Variants in MYO7B observed in about 807,000 individuals in gnomAD.
MYO7B encodes the protein myosin VIIB, also known as unconventional myosin-VIIb.
A neutral mutation model predicts 259.7 loss-of-function variants in MYO7B; 212 were observed. That is an observed-to-expected ratio of 0.82 (90% CI 0.73 to 0.91). MYO7B has a LOEUF of 0.91. Ranked by LOEUF, MYO7B falls within the 40% of genes least tolerant of loss-of-function variation. The pLI, the probability that MYO7B is intolerant of heterozygous loss-of-function variation, is 0.00. For missense variants in MYO7B, 2,732 were observed against 2,813.5 expected (o/e 0.97, Z 0.66); for synonymous variants, 1,197 against 1,166.4 (o/e 1.03, Z -0.54).
chr2:127,566,093 A>T (rs1158324263), intron 4 of MYO7B, among the ~76,000 whole-genome samples: 1 of 152,228 alleles, frequency 6.6e-6, no homozygotes, highest in Non-Finnish European at 1.5e-5. Context: ...CTGAAGCCAG[A>T]GGGCACGTCC....
intron 14 of MYO7B, among the ~76,000 whole-genome samples, chr2:127,587,144 C>A (rs147714382): frequency 6.6e-6 from 1 of 152,140 alleles, no homozygotes; most frequent in African/African-American, 2.4e-5. Context: ...AAGTCAGGGT[C>A]GTGCCCTTGG....
At chr2:127,568,536 G>A (rs1308353351) in intron 5 of MYO7B, among the ~76,000 whole-genome samples, 2 of 152,198 alleles carry the variant, frequency 1.3e-5, no homozygotes, top group Non-Finnish European at 2.9e-5. Flanking sequence ...ATCACTGGAG[G>A]TTTGTTGATC....
rs1363127265 is a variant in MYO7B at position 127,621,977 on chromosome 2, A to G, written c.3526-5A>G. ...TTCCTCCCTTCTCCCCTCCTCACCC[A>G]CCAGTATCTACTGAACTTCATCGGC... On this transcript the variant is annotated splice_polypyrimidine_tract_variant and splice_region_variant and intron_variant, in intron 27 of 47. Coordinates refer to ENST00000409816, the MANE Select transcript of MYO7B (RefSeq NM_001393586.1). 6.4e-7 allele frequency: 1 copy of G among 1,551,548 alleles called. No individual in the cohort carries two copies. Among genetic ancestry groups the G allele is most frequent in the African/African-American group, 1.4e-5 (1 of 73,016 alleles).
chr2:127,615,562 G>A lies in MYO7B; in HGVS notation c.3398+2959G>A, dbSNP rs577405699. Among the ~76,000 whole-genome samples, 105 of 152,164 alleles carry A rather than the reference G, an allele frequency of 6.9e-4. 1 individual carries two copies. Among genetic ancestry groups the A allele is most frequent in the African/African-American group, 2.4e-3 (101 of 41,502 alleles). ...CTGCTTAATTGATCACAGGTTCATA[G>A]TATTACTAACAGGCTTCAGGTGTGC... On this transcript the variant is annotated intron_variant, in intron 26 of 47. Transcript: ENST00000409816. This position sits in a 1 kb window ranked among gnomAD's most constrained non-coding sequence, Gnocchi z 4.4.
rs561908024 is a variant in MYO7B, at chr2:127,577,078, G to A, written c.849+370G>A. 9.5e-4 allele frequency among the ~76,000 whole-genome samples: 144 copies of A among 152,108 alleles called. 1 individual carries two copies. The highest frequency in any genetic ancestry group is 3.3e-3 in the African/African-American group (136 of 41,468). On this transcript the variant is annotated intron_variant, in intron 8 of 47. Coordinates refer to ENST00000409816, the MANE Select transcript of MYO7B (RefSeq NM_001393586.1). The surrounding 1 kb of genome is among the most constrained non-coding windows in gnomAD (Gnocchi z 5.2). The stretch of plus-strand genomic sequence containing the variant: ...TCTGTCCTTGCAGGCCCCCTAAAAC[G>A]TAAGCCCCGGGCCCCAGGAAAGCAA...
chr2:127,593,049 C>G (rs1679629302), intron 17 of MYO7B, 103 bp downstream of exon 17: 2 of 1,410,824 alleles, frequency 1.4e-6, no homozygotes, highest in Non-Finnish European at 1.9e-6. Context: ...GCTGCCCTCC[C>G]CGGCCCCAGC....
At position 127,634,665 on chromosome 2, in the gene MYO7B, A is replaced by G. The variant is rs1681701438; in HGVS notation, c.5695A>G (p.Asn1899Asp). Residue 1899 changes from asparagine (N) to aspartate (D), a missense_variant, in exon 42 of 48, where the codon AAC becomes GAC. Around this residue, in one of 3 missense-constraint regions of MYO7B, gnomAD observed 821 missense variants for 769.3 expected, o/e 1.07. Transcript: ENST00000409816. ...LREVSDWVKK[N>D]KPQKEGAPVT... ...GGAGGTGTCTGACTGGGTGAAGAAGAACAAGCCCCAGAAAGAAGGTGAGGA... is the reference window on the plus strand; with the variant it reads ...GGAGGTGTCTGACTGGGTGAAGAAGGACAAGCCCCAGAAAGAAGGTGAGGA... 6.2e-7 allele frequency: 1 copy of G among 1,610,960 alleles called. No homozygotes were observed. Among genetic ancestry groups the G allele is most frequent in the Admixed American group, 1.7e-5 (1 of 59,740 alleles).
At position 127,629,727 on chromosome 2, in the gene MYO7B, G is replaced by T; in HGVS notation, c.4707G>T (p.Trp1569Cys). The change falls in exon 35 of 48, where the codon TGG becomes TGT. Residue 1569 changes from tryptophan to cysteine, a missense_variant. This residue lies in a region of MYO7B where 821 missense variants were observed against 769.3 expected (regional missense o/e 1.07). Coordinates refer to ENST00000409816, the MANE Select transcript of MYO7B (RefSeq NM_001393586.1). Reference sequence around the variant, plus strand: ...AGGGGCTGCTGGCCTCTGAGAACTGGACCCTCGGCCAGAACGACAGGACAG... The same window carrying T: ...AGGGGCTGCTGGCCTCTGAGAACTGTACCCTCGGCCAGAACGACAGGACAG... ...KKQGLLASENWTLGQNDRTGK... is the reference protein window; with the variant it reads ...KKQGLLASENCTLGQNDRTGK... 1.2e-6 allele frequency: 2 copies of T among 1,612,326 alleles called. No individual in the cohort carries two copies. The highest frequency in any genetic ancestry group is 1.1e-5 in the South Asian group (1 of 90,978).
rs758198699 is a variant in MYO7B at position 127,631,345 on chromosome 2, G to A, written c.5077G>A (p.Ala1693Thr). Residue 1693 changes from alanine to threonine, a missense_variant, in exon 37 of 48, where the codon GCC becomes ACC. By Grantham distance (58) the Ala-to-Thr change is moderately conservative (BLOSUM62 0). Transcript: ENST00000409816. ...VHANVDLWDI[A>T]CQIFVAILRY... The stretch of plus-strand genomic sequence containing the variant: ...CGCCAACGTCGACCTCTGGGACATC[G>A]CCTGCCAGATCTTTGTCGATATCCT... The A allele has an allele frequency of 9.3e-6, 15 of 1,608,790 alleles. No homozygotes were observed. Among genetic ancestry groups the A allele is most frequent in the African/African-American group, 1.3e-5 (1 of 74,844 alleles).
At position 127,576,002 on chromosome 2, in the gene MYO7B, C is replaced by T. The variant is rs1678852143; in HGVS notation, c.736-593C>T. On this transcript the variant is annotated intron_variant, in intron 7 of 47. Transcript: ENST00000409816. This position sits in a 1 kb window ranked among gnomAD's most constrained non-coding sequence, Gnocchi z 4.9. ...ATAGTGTTTTAAAAAATACAGAAGG[C>T]ACCCTAGGCAACATGGCAAAACCCC... is the stretch of plus-strand genomic sequence containing the variant. Among the ~76,000 whole-genome samples the T allele has an allele frequency of 6.6e-6, 1 of 152,130 alleles. No homozygotes were observed. Among genetic ancestry groups the T allele is most frequent in the South Asian group, 2.1e-4 (1 of 4,826 alleles).
intron 1 of MYO7B, among the ~76,000 whole-genome samples, chr2:127,547,513 A>G (rs1693282322): frequency 6.6e-6 from 1 of 152,214 alleles, no homozygotes; most frequent in South Asian, 2.1e-4. Flanking sequence ...CCTGGGGGGA[A>G]GAGGTAAGAT....
chr2:127,624,398 TC>T (rs1419269072), intron 30 of MYO7B, 78 bp downstream of exon 30: 108 of 1,319,786 alleles, frequency 8.2e-5, no homozygotes, highest in Non-Finnish European at 1.1e-4. Context: ...CCAACTGGCT[TC>T]TGAGGCCAGG....
intron 7 of MYO7B, among the ~76,000 whole-genome samples, chr2:127,575,059 C>A (rs905255226): frequency 6.6e-6 from 1 of 152,142 alleles, no homozygotes; most frequent in Non-Finnish European, 1.5e-5. Flanking sequence ...GAGAATGCCA[C>A]CAACAGAGGG....
chr2:127,567,319 C>CA (rs142821603), intron 5 of MYO7B, among the ~76,000 whole-genome samples: 15,858 of 151,444 alleles, frequency 0.1, 1,179 homozygotes, highest in East Asian at 0.26. Flanking sequence ...AGGGCCCACT[C>CA]AAAAAAAAAC....
intron 2 of MYO7B, among the ~76,000 whole-genome samples, chr2:127,563,822 T>C (rs1040253740): frequency 2.0e-5 from 3 of 152,212 alleles, no homozygotes; most frequent in Non-Finnish European, 2.9e-5. Flanking sequence ...ACTTTCTCTC[T>C]TAACCACTCA....
chr2:127,619,361 C>T (rs576651601), intron 26 of MYO7B, among the ~76,000 whole-genome samples: 5 of 42,834 alleles, frequency 1.2e-4, no homozygotes, highest in Admixed American at 3.1e-4. Context: ...GGGTGGTGGG[C>T]GCCAGCTGAG....
rs1679517222 is a variant in MYO7B at position 127,590,523 on chromosome 2, T to A, written c.1992+294T>A. Among the ~76,000 whole-genome samples, 1 of 152,258 alleles carries A rather than the reference T, an allele frequency of 6.6e-6. No homozygotes were observed. The highest frequency in any genetic ancestry group is 6.5e-5 in the Admixed American group (1 of 15,288). ...AGCCTCAGTTTTCCCTTCTGTTAAG[T>A]CAGACTTGCTCCTGCCTGCAGGAAT... On this transcript the variant is annotated intron_variant, in intron 16 of 47. Coordinates refer to ENST00000409816, the MANE Select transcript of MYO7B (RefSeq NM_001393586.1). This position sits in a 1 kb window ranked among gnomAD's most constrained non-coding sequence, Gnocchi z 4.6.
Position 127,612,583 on chromosome 2 carries a change from C to T in MYO7B, c.3378C>T (p.Ala1126=), listed in dbSNP as rs771145024. ...AGGTGCACTTCATCGTGGGCTACGCCATCCTGCGGCCCAGCCTCAGGTCAG... is the reference window on the plus strand; with the variant it reads ...AGGTGCACTTCATCGTGGGCTACGCTATCCTGCGGCCCAGCCTCAGGTCAG... ...LEKVHFIVGY[A]ILRPSLRDEI... The change falls in exon 26 of 48, where the codon GCC becomes GCT. Residue 1126 remains alanine (A), a synonymous_variant. Transcript: ENST00000409816. 1.2e-6 allele frequency: 2 copies of T among 1,609,538 alleles called. No individual in the cohort carries two copies. The highest frequency in any genetic ancestry group is 4.5e-5 in the East Asian group (2 of 44,660).
chr2:127,618,904 G>A (rs966966457), intron 26 of MYO7B, among the ~76,000 whole-genome samples: 2 of 152,230 alleles, frequency 1.3e-5, no homozygotes, highest in African/African-American at 2.4e-5. Context: ...ATGAGGAATT[G>A]CCCAAGGAAC....
Sources: gnomAD v4.1 joint callset for allele counts (sites outside exome capture counted in the v4.1 genomes callset) on GRCh38, gnomAD v4.1.1 for gene constraint, gnomAD v4.1.1 regional missense constraint, Gnocchi (gnomAD v3.1) non-coding constraint, MANE v1.5 for transcripts, NCBI Gene and HGNC (gene_info 2026-07-23, HGNC 2026-07-21) for gene names.